The following BBOF1 variants were observed in gnomAD, a reference collection of about 807,000 sequenced individuals.
The protein encoded by BBOF1 is basal body-orientation factor 1.
A neutral mutation model predicts 68.0 loss-of-function variants in BBOF1; 62 were observed. That is an observed-to-expected ratio of 0.91 (90% CI 0.74 to 1.13). BBOF1 has a LOEUF of 1.13. Ranked by LOEUF, BBOF1 falls within the 50% of genes most tolerant of loss-of-function variation. BBOF1 has a pLI of 0.00. For synonymous variants in BBOF1, 208 were observed against 198.8 expected, an observed-to-expected ratio of 1.05 and a Z score of -0.39; for missense variants, 534 against 600.1, an observed-to-expected ratio of 0.89 and a Z score of 1.15.
chr14:74,073,967 G>A (rs1011053876), intron 9 of BBOF1, among the ~76,000 whole-genome samples: 9 of 144,480 alleles, frequency 6.2e-5, no homozygotes, highest in Non-Finnish European at 1.2e-4. Context: ...ATTTTTTTCT[G>A]AGATATAGCT....
intron 2 of BBOF1, among the ~76,000 whole-genome samples, chr14:74,028,387 C>G (rs73303135): frequency 0.093 from 13,854 of 149,642 alleles, 806 homozygotes; most frequent in South Asian, 0.26. Context: ...GAAAGAAAAA[C>G]AAATAAGGAA....
At chr14:74,075,648 C>A (rs991025103) in intron 9 of BBOF1, among the ~76,000 whole-genome samples, 1 of 150,722 alleles carries the variant, frequency 6.6e-6, no homozygotes, top group Non-Finnish European at 1.5e-5. Flanking sequence ...GAGAGGGAGA[C>A]CTTGTCTCAA....
chr14:74,035,365 G>T (rs1287219466), intron 4 of BBOF1, among the ~76,000 whole-genome samples: 2 of 149,428 alleles, frequency 1.3e-5, no homozygotes, highest in African/African-American at 4.9e-5. Context: ...TCAAGTGGCT[G>T]TTAAGTTGGT....
At chr14:74,077,476 G>A (rs889253912) in intron 9 of BBOF1, among the ~76,000 whole-genome samples, 110 of 152,124 alleles carry the variant, frequency 7.2e-4, no homozygotes, top group Admixed American at 6.4e-3. Context: ...AGCTTCTGGC[G>A]AGGGCTTCTG....
At chr14:74,024,349 G>C (rs147004396) in intron 2 of BBOF1, among the ~76,000 whole-genome samples, 1 of 152,098 alleles carries the variant, frequency 6.6e-6, no homozygotes, top group Non-Finnish European at 1.5e-5. Context: ...CCAGCTACTC[G>C]GGAGGCTAAG....
At position 74,055,630 on chromosome 14, in the gene BBOF1, C is replaced by G; in HGVS notation, c.1333C>G (p.Gln445Glu). 6.2e-7 allele frequency: 1 copy of G among 1,613,744 alleles called. No individual in the cohort carries two copies. The highest frequency in any genetic ancestry group is 1.1e-5 in the South Asian group (1 of 91,028). The change falls in exon 9 of 12, where the codon CAG becomes GAG. Residue 445 changes from glutamine (Q) to glutamate (E), a missense_variant. Coordinates refer to ENST00000394009, the MANE Select transcript of BBOF1 (RefSeq NM_025057.3). Reference sequence around the variant, plus strand: ...GGATATTGGAGATTTGACCTGGGAGCAGAAGGAAAAAGTATTGCGATTGCT... The same window carrying G: ...GGATATTGGAGATTTGACCTGGGAGGAGAAGGAAAAAGTATTGCGATTGCT... ...NVDIGDLTWE[Q>E]KEKVLRLLFA...
intron 11 of BBOF1, among the ~76,000 whole-genome samples, chr14:74,064,309 A>T (rs535177188): frequency 0.023 from 3,381 of 148,726 alleles, 101 homozygotes; most frequent in African/African-American, 0.066. Flanking sequence ...AAAAAAAAAA[A>T]AATAATAATA....
At chr14:74,021,344 G>A (rs1035485097) in intron 1 of BBOF1, among the ~76,000 whole-genome samples, 2 of 152,066 alleles carry the variant, frequency 1.3e-5, no homozygotes, top group African/African-American at 4.8e-5. Flanking sequence ...CAGCACTTTG[G>A]GAGGCTGAGC....
chr14:74,026,887 T>C (rs1255961934), intron 2 of BBOF1, among the ~76,000 whole-genome samples: 2 of 150,324 alleles, frequency 1.3e-5, no homozygotes, highest in African/African-American at 4.9e-5. Context: ...ATTGCGCCAC[T>C]GCACTCCACC....
At chr14:74,068,350 G>T (rs1047150064), downstream of BBOF1, among the ~76,000 whole-genome samples, 3 of 151,526 alleles carry the variant, frequency 2.0e-5, no homozygotes, top group African/African-American at 7.3e-5. Context: ...CTGCACTCTA[G>T]CCTGGGTGAC....
chr14:74,031,119 CT>C (rs71860688), intron 3 of BBOF1, among the ~76,000 whole-genome samples: 149 of 143,292 alleles, frequency 1.0e-3, no homozygotes, highest in Admixed American at 8.4e-4. Context: ...CTTTTCTTTT[CT>C]TTTTTTTTTT....
downstream of BBOF1, among the ~76,000 whole-genome samples, chr14:74,068,205 C>A (rs1239492742): frequency 6.6e-6 from 1 of 150,654 alleles, no homozygotes; most frequent in East Asian, 2.0e-4. Context: ...GCCAAGAAAC[C>A]CTGTCTCTAC....
At chr14:74,076,579 C>G (rs1424681276) in intron 9 of BBOF1, among the ~76,000 whole-genome samples, 1 of 152,018 alleles carries the variant, frequency 6.6e-6, no homozygotes, top group Non-Finnish European at 1.5e-5. Flanking sequence ...TCTCATTGAC[C>G]AGGCTGGAGT....
downstream of BBOF1, chr14:74,068,909 T>C (rs775004124): frequency 1.1e-5 from 17 of 1,613,950 alleles, no homozygotes; most frequent in Admixed American, 1.7e-4. Flanking sequence ...CTCGAAGATA[T>C]ACTCTCCTGC....
At chr14:74,043,708 T>C (rs968046658) in intron 5 of BBOF1, among the ~76,000 whole-genome samples, 1 of 150,838 alleles carries the variant, frequency 6.6e-6, no homozygotes, top group African/African-American at 2.4e-5. Flanking sequence ...AATTTTTGTA[T>C]TTTTAGTAGA....
chr14:74,029,109 A>C lies in BBOF1; in HGVS notation c.286-75A>C. The C allele has an allele frequency of 7.8e-6, 7 of 893,152 alleles. No homozygotes were observed. The South Asian group carries it at 1.0e-4, about 13-fold the overall frequency. 55.3% of individuals were successfully genotyped at this position (893,152 alleles called of 1,614,324 possible). On this transcript the variant is annotated intron_variant, in intron 2 of 11. Coordinates refer to ENST00000394009, the MANE Select transcript of BBOF1 (RefSeq NM_025057.3). ...CCATATTGGTTTTAGTATTGTGTGA[A>C]ACTAGTCTACTTAATAAAGGTAGAC...
chr14:74,029,259 C>G lies in BBOF1; in HGVS notation c.351+10C>G. 6.6e-7 allele frequency: 1 copy of G among 1,509,712 alleles called. No homozygotes were observed. Among genetic ancestry groups the G allele is most frequent in the Non-Finnish European group, 9.0e-7 (1 of 1,106,458 alleles). 93.5% of individuals were successfully genotyped at this position (1,509,712 alleles called of 1,614,324 possible). A position where few individuals can be genotyped will look rare whatever the true frequency, so the allele number is the denominator to read the frequency against. On this transcript the variant is annotated intron_variant, in intron 3 of 11. Transcript: ENST00000394009. ...GGAGAAGGATAAATTGGTGAGTTAT[C>G]TATGTGTACTAATACTCCACTTACT...
chr14:74,060,734 A>G, intron 11 of BBOF1: 1 of 1,611,928 alleles, frequency 6.2e-7, no homozygotes, highest in Non-Finnish European at 8.5e-7. Context: ...AACTGAGTGT[A>G]GAATTGGATG....
At chr14:74,051,955 A>G (rs573825536) in intron 8 of BBOF1, among the ~76,000 whole-genome samples, 10 of 151,700 alleles carry the variant, frequency 6.6e-5, no homozygotes, top group Non-Finnish European at 1.2e-4. Context: ...TTTGAATTAT[A>G]TGGCTGTTGA....
Sources: allele counts gnomAD v4.1 joint callset (sites outside exome capture counted in the v4.1 genomes callset), GRCh38; gene constraint gnomAD v4.1.1; transcripts MANE v1.5; gene names NCBI Gene and HGNC (gene_info 2026-07-23, HGNC 2026-07-21).